Variants in CRNKL1 observed in about 807,000 individuals in gnomAD.
CRNKL1 encodes crooked neck-like protein 1.
A neutral mutation model predicts 103.7 loss-of-function variants in CRNKL1; 35 were observed. The observed-to-expected ratio is 0.34, with a 90% confidence interval of 0.26 to 0.45. The LOEUF (loss-of-function observed/expected upper bound fraction) is 0.45. Ranked by LOEUF, CRNKL1 falls within the 20% of genes least tolerant of loss-of-function variation. The pLI is 1.00. For missense variants in CRNKL1, 645 were observed against 836.0 expected, an observed-to-expected ratio of 0.77 and a Z score of 2.82; for synonymous variants, 267 against 282.6, an observed-to-expected ratio of 0.94 and a Z score of 0.55.
At position 20,039,520 on chromosome 20, in the gene CRNKL1, C is replaced by T. The variant is rs1179233497; in HGVS notation, c.1545+89G>A. ...CTAAGTTAGTTAGATCATCGTTATA[C>T]TCTAAAATACACCCACATTTAGATG... On this transcript the variant is annotated intron_variant, in intron 11 of 13. Transcript: ENST00000536226. 20 of 1,472,462 alleles carry T rather than the reference C, an allele frequency of 1.4e-5. No homozygotes were observed. The East Asian group carries it at 4.1e-4, about 30-fold the overall frequency. 91.2% of individuals were successfully genotyped at this position (1,472,462 alleles called of 1,614,324 possible). A position where few individuals can be genotyped will look rare whatever the true frequency, so the allele number is the denominator to read the frequency against.
At chr20:20,045,682 T>C (rs1352515805) in intron 5 of CRNKL1, among the ~76,000 whole-genome samples, 196 bp from the exon 6 acceptor site, 18 of 152,196 alleles carry the variant, frequency 1.2e-4, no homozygotes, top group Admixed American at 1.0e-3. Flanking sequence ...TTCATCTCTA[T>C]TTTCCTCCAG....
chr20:20,049,456 G>A (rs2043648649), intron 2 of CRNKL1, 25 bp from the exon 3 acceptor site: 1 of 1,268,466 alleles, frequency 7.9e-7, no homozygotes, highest in Non-Finnish European at 1.1e-6. Flanking sequence ...AAAGGGTCAA[G>A]TCAAAAGACA....
At chr20:20,055,432 C>T (rs561687149), upstream of CRNKL1, among the ~76,000 whole-genome samples, 2 of 152,296 alleles carry the variant, frequency 1.3e-5, no homozygotes, top group African/African-American at 2.4e-5. Flanking sequence ...AGCCCCCTCA[C>T]TTACCGAGGG....
intron 6 of CRNKL1, among the ~76,000 whole-genome samples, chr20:20,043,989 GCCT>G (rs2043556396): frequency 6.6e-6 from 1 of 152,088 alleles, no homozygotes; most frequent in Non-Finnish European, 1.5e-5. Flanking sequence ...AGTAGGCAAG[GCCT>G]AACCTACAGT....
chr20:20,052,489 T>G, upstream of CRNKL1: 1 of 1,614,214 alleles, frequency 6.2e-7, no homozygotes, highest in East Asian at 2.2e-5. Flanking sequence ...CTTTGACCTC[T>G]CGCTTGAGCC....
chr20:20,055,218 ATACT>A (rs1232277536), upstream of CRNKL1, among the ~76,000 whole-genome samples: 2 of 152,126 alleles, frequency 1.3e-5, no homozygotes, highest in Non-Finnish European at 2.9e-5. Flanking sequence ...TATTATAAAC[ATACT>A]TAGTTTGTAG....
upstream of CRNKL1, among the ~76,000 whole-genome samples, chr20:20,054,559 G>A (rs1400889348): frequency 6.6e-6 from 1 of 152,196 alleles, no homozygotes; most frequent in Non-Finnish European, 1.5e-5. Context: ...GTAAAATTTT[G>A]TGGGAATACA....
upstream of CRNKL1, chr20:20,056,019 G>T: frequency 6.2e-7 from 1 of 1,602,566 alleles, no homozygotes; most frequent in Non-Finnish European, 8.5e-7. Context: ...CGTCATTAGA[G>T]ATTCTCTTCC....
upstream of CRNKL1, chr20:20,056,040 C>T (rs747766776): frequency 8.4e-6 from 13 of 1,556,520 alleles, no homozygotes; most frequent in South Asian, 4.6e-5. Context: ...CAAAGAGTGT[C>T]GGAAAGGCTG....
Position 20,050,937 on chromosome 20 carries a change from GGTTTT to G in CRNKL1, c.52-320_52-316del, listed in dbSNP as rs372830809. ...CCGTCTAGGTAAAATTCTGACCAGA[GGTTTT>G]GTTTTATCAAAATGTGTAGCACATC... On this transcript the variant is annotated intron_variant, in intron 1 of 13. Coordinates refer to ENST00000536226, the MANE Select transcript of CRNKL1 (RefSeq NM_001278628.2). Among the ~76,000 whole-genome samples the G allele has an allele frequency of 5.3e-3, 807 of 152,326 alleles. 5 individuals carry two copies. Among genetic ancestry groups the G allele is most frequent in the African/African-American group, 0.018 (728 of 41,566 alleles).
rs762215398 is a variant in CRNKL1, at chr20:20,038,378, G to C, written c.1618C>G (p.Arg540Gly). The C allele has an allele frequency of 2.6e-6, 4 of 1,552,108 alleles. No homozygotes were observed. The highest frequency in any genetic ancestry group is 3.5e-6 in the Non-Finnish European group (4 of 1,146,962). The part of the protein sequence containing the change: ...ETERTRNLYR[R>G]LLQRTQHVKV... ...ACATGCTGCGTCCGTTGAAGCAACC[G>C]CCGGTAAAGGTTTCGTGTTCTTTCT... Residue 540 changes from arginine to glycine, a missense_variant, in exon 12 of 14, where the codon CGG becomes GGG. Physicochemically the swap from Arg to Gly is moderately radical, Grantham distance 125. Coordinates refer to ENST00000536226, the MANE Select transcript of CRNKL1 (RefSeq NM_001278628.2).
Position 20,036,198 on chromosome 20 carries a change from G to A in CRNKL1, c.2061C>T (p.Ser687=). The change falls in exon 14 of 14, where the codon TCC becomes TCT. Residue 687 remains serine (S), a synonymous_variant. Transcript: ENST00000536226. The part of the protein sequence containing the change: ...HPDEDVDESE[S] ...ACATTTGTCTATGAAAAAAAGATCAGGATTCACTCTCATCGACGTCCTCAT... is the reference window on the plus strand; with the variant it reads ...ACATTTGTCTATGAAAAAAAGATCAAGATTCACTCTCATCGACGTCCTCAT... The A allele has an allele frequency of 1.9e-6, 3 of 1,613,682 alleles. No homozygotes were observed. Among genetic ancestry groups the A allele is most frequent in the Non-Finnish European group, 8.5e-7 (1 of 1,179,832 alleles).
Position 20,052,193 on chromosome 20 carries a change from T to C in CRNKL1, c.51+99A>G, listed in dbSNP as rs539908692. The stretch of plus-strand genomic sequence containing the variant: ...TCTCCATCTCTCAGGGTGAGCCTTC[T>C]CCCCGGCGGGAACACTCTCTCCCAA... On this transcript the variant is annotated intron_variant, in intron 1 of 13. Coordinates refer to ENST00000536226, the MANE Select transcript of CRNKL1 (RefSeq NM_001278628.2). 14 of 1,040,628 alleles carry C rather than the reference T, an allele frequency of 1.3e-5. No homozygotes were observed. The African/African-American group carries it at 1.6e-4, about 12-fold the overall frequency. 64.5% of individuals were successfully genotyped at this position (1,040,628 alleles called of 1,614,324 possible).
chr20:20,037,144 C>G (rs1033536121), intron 13 of CRNKL1, among the ~76,000 whole-genome samples, 179 bp downstream of exon 13: 3 of 152,248 alleles, frequency 2.0e-5, no homozygotes, highest in Non-Finnish European at 4.4e-5. Flanking sequence ...CCACCTCTGA[C>G]TGGACCATAT....
At position 20,035,950 on chromosome 20, in the gene CRNKL1, T is replaced by C. The variant is rs1045155921; in HGVS notation, c.*245A>G. On this transcript the variant is annotated 3_prime_UTR_variant, in exon 14 of 14. Coordinates refer to ENST00000536226, the MANE Select transcript of CRNKL1 (RefSeq NM_001278628.2). ...CTTAATTACATTTCCTAATGCATGATGTGGACAGACATTAGAAAAGTTTGG... is the reference window on the plus strand; with the variant it reads ...CTTAATTACATTTCCTAATGCATGACGTGGACAGACATTAGAAAAGTTTGG... The C allele has an allele frequency of 9.4e-6, 4 of 426,876 alleles. No homozygotes were observed. The East Asian group carries it at 1.6e-4, about 17-fold the overall frequency. 26.4% of individuals were successfully genotyped at this position (426,876 alleles called of 1,614,324 possible).
At chr20:20,038,524 G>GT in intron 11 of CRNKL1, 74 bp from the exon 12 acceptor site, 2 of 802,152 alleles carry the variant, frequency 2.5e-6, no homozygotes. Flanking sequence ...CACAGCTGAA[G>GT]TATCACTCTA....
Position 20,050,543 on chromosome 20 carries a change from AG to A in CRNKL1, c.130del (p.Leu44PhefsTer16). The A allele has an allele frequency of 6.2e-7, 1 of 1,613,954 alleles. No individual in the cohort carries two copies. ...CTTCTGTTGAGGTGGAGGTGGAAGA[AG>A]CTCAAGTTCTCTTTCTTTAGCCTCT... ...LREAKERELELLPPPPQQKIT... is the reference protein window; with the variant it reads ...LREAKERELEXLPPPPQQKIT... On this transcript the variant is annotated frameshift_variant, in exon 2 of 14. Transcript: ENST00000536226. LOFTEE classifies it high-confidence loss of function.
At chr20:20,037,183 G>C in intron 13 of CRNKL1, 140 bp downstream of exon 13, 1 of 1,015,936 alleles carries the variant, frequency 9.8e-7, no homozygotes, top group Middle Eastern at 2.2e-4. Flanking sequence ...ATAACAGCCA[G>C]ATTGCAACCA....
rs1484698464 is a variant in CRNKL1, at chr20:20,040,784, A to AC, written c.1225-19_1225-18insG. On this transcript the variant is annotated intron_variant, in intron 9 of 13. Coordinates refer to ENST00000536226, the MANE Select transcript of CRNKL1 (RefSeq NM_001278628.2). ...AATGTGAACTAGAAAACAAAAGCAC[A>AC]AAAATATCTAGCTTAAAAGCCTCAT... 1.3e-6 allele frequency: 2 copies of AC among 1,544,946 alleles called. No homozygotes were observed. The highest frequency in any genetic ancestry group is 3.4e-5 in the Admixed American group (2 of 58,088).
Sources: gnomAD v4.1 joint callset for allele counts (sites outside exome capture counted in the v4.1 genomes callset) on GRCh38, gnomAD v4.1.1 for gene constraint, MANE v1.5 for transcripts, NCBI Gene and HGNC (gene_info 2026-07-23, HGNC 2026-07-21) for gene names.